TRPM3: variants seen among roughly 807,000 people sequenced by gnomAD.
TRPM3 encodes long transient receptor potential channel 3.
TRPM3 carries 77 observed loss-of-function variants against 181.2 expected under a neutral mutation model. The ratio of observed to expected loss-of-function variants is 0.42; its 90% confidence interval spans 0.35 to 0.51. The LOEUF (loss-of-function observed/expected upper bound fraction) is 0.51, where lower values mean the gene tolerates loss of function less well. Ranked by LOEUF, TRPM3 falls within the 20% of genes least tolerant of loss-of-function variation. The pLI, the probability that TRPM3 is intolerant of heterozygous loss-of-function variation, is 0.01. For missense variants in TRPM3, 1,759 were observed against 2,196.7 expected, an observed-to-expected ratio of 0.80 and a Z score of 3.98; for synonymous variants, 745 against 796.4, an observed-to-expected ratio of 0.94 and a Z score of 1.09.
At chr9:71,407,357 C>A (rs1244838780) in intron 1 of TRPM3, among the ~76,000 whole-genome samples, 25 of 152,128 alleles carry the variant, frequency 1.6e-4, no homozygotes, top group Admixed American at 1.2e-3. Context: ...ACCTGGAAAA[C>A]CAGGATATTC....
intron 1 of TRPM3, among the ~76,000 whole-genome samples, chr9:71,339,176 A>G (rs1415804210): frequency 1.3e-5 from 2 of 152,152 alleles, no homozygotes; most frequent in Non-Finnish European, 2.9e-5. Context: ...AAATATCCTT[A>G]AAAGATATAA....
At chr9:70,842,268 C>T (rs1188927826) in intron 5 of TRPM3, among the ~76,000 whole-genome samples, 1 of 152,070 alleles carries the variant, frequency 6.6e-6, no homozygotes, top group Non-Finnish European at 1.5e-5. Context: ...TGGATCCTAC[C>T]TCCTTTTTTA....
chr9:70,982,765 A>G (rs1488280748), intron 1 of TRPM3, among the ~76,000 whole-genome samples: 2 of 152,086 alleles, frequency 1.3e-5, no homozygotes, highest in African/African-American at 4.8e-5. Context: ...CAGTGGCCCA[A>G]TCTCAGCTCA....
At chr9:70,540,061 C>A (rs1450526956) in intron 25 of TRPM3, among the ~76,000 whole-genome samples, 1 of 152,128 alleles carries the variant, frequency 6.6e-6, no homozygotes, top group Non-Finnish European at 1.5e-5. Context: ...TGGTCTTGAA[C>A]TCTTGGGCTC....
intron 1 of TRPM3, among the ~76,000 whole-genome samples, chr9:71,243,659 ATT>A: frequency 1.3e-5 from 2 of 152,224 alleles, no homozygotes; most frequent in East Asian, 1.9e-4. Flanking sequence ...AATTATTATT[ATT>A]AGCAAGACCT....
intron 22 of TRPM3, among the ~76,000 whole-genome samples, chr9:70,558,871 T>C (rs1309869976): frequency 1.3e-5 from 2 of 152,194 alleles, no homozygotes; most frequent in Admixed American, 1.3e-4. Context: ...GGGGGTCACA[T>C]TGACACATCA....
intron 1 of TRPM3, among the ~76,000 whole-genome samples, chr9:71,218,950 A>T (rs2131839686): frequency 6.6e-6 from 1 of 152,338 alleles, no homozygotes; most frequent in South Asian, 2.1e-4. Context: ...ATCTGTTCAA[A>T]GTCCTATATA....
intron 1 of TRPM3, among the ~76,000 whole-genome samples, chr9:71,083,721 C>CACAA (rs1329084314): frequency 7.2e-6 from 1 of 139,026 alleles, no homozygotes; most frequent in Non-Finnish European, 1.6e-5. Flanking sequence ...TGTACACACA[C>CACAA]ACACACACAC....
chr9:70,580,499 C>T (rs2055351877), intron 22 of TRPM3, among the ~76,000 whole-genome samples: 1 of 152,276 alleles, frequency 6.6e-6, no homozygotes, highest in South Asian at 2.1e-4. Context: ...AATATGGTGT[C>T]CACATCAACC....
At chr9:71,077,103 C>G (rs1009073862) in intron 1 of TRPM3, among the ~76,000 whole-genome samples, 1 of 152,200 alleles carries the variant, frequency 6.6e-6, no homozygotes, top group Non-Finnish European at 1.5e-5. Flanking sequence ...GGTTCTAAAT[C>G]CTGGCCATGC....
At chr9:70,588,776 C>A (rs537817237) in intron 22 of TRPM3, among the ~76,000 whole-genome samples, 38 of 152,320 alleles carry the variant, frequency 2.5e-4, no homozygotes, top group African/African-American at 8.7e-4. Flanking sequence ...GAATGACCAG[C>A]TAGGGCAGTC....
At chr9:71,121,033 G>C in intron 1 of TRPM3, 145 bp downstream of exon 1, 1 of 702,100 alleles carries the variant, frequency 1.4e-6, no homozygotes. Context: ...GGAGTACTGA[G>C]AACCTCTCTC....
At chr9:70,843,245 G>A in intron 4 of TRPM3, 118 bp from the exon 5 acceptor site, 1 of 1,119,406 alleles carries the variant, frequency 8.9e-7, no homozygotes, top group Non-Finnish European at 1.2e-6. Flanking sequence ...ATAAAATTTT[G>A]ACACATTTCT....
chr9:70,757,290 G>T (rs1247686945), intron 8 of TRPM3, among the ~76,000 whole-genome samples: 1 of 152,150 alleles, frequency 6.6e-6, no homozygotes, highest in Non-Finnish European at 1.5e-5. Flanking sequence ...CCAGGAAGAA[G>T]TCAAATCCCT....
At chr9:71,243,906 A>G (rs1284180819) in intron 1 of TRPM3, among the ~76,000 whole-genome samples, 1 of 134,118 alleles carries the variant, frequency 7.5e-6, no homozygotes, top group Non-Finnish European at 1.7e-5. Context: ...CTCCATAGAA[A>G]CATATAAGAT....
At chr9:71,152,946 A>T (rs2075809026) in intron 1 of TRPM3, among the ~76,000 whole-genome samples, 1 of 152,148 alleles carries the variant, frequency 6.6e-6, no homozygotes, top group African/African-American at 2.4e-5. Flanking sequence ...CTGCAAGTTG[A>T]TTAGTAAAGT....
chr9:70,886,203 C>G (rs2096079332), intron 1 of TRPM3, among the ~76,000 whole-genome samples: 1 of 151,992 alleles, frequency 6.6e-6, no homozygotes, highest in Non-Finnish European at 1.5e-5. Context: ...AGCCACTTTC[C>G]AAATAAACAC....
At chr9:71,287,824 C>T (rs1001975953) in intron 1 of TRPM3, among the ~76,000 whole-genome samples, 4 of 152,010 alleles carry the variant, frequency 2.6e-5, no homozygotes, top group African/African-American at 7.2e-5. Context: ...GCAATGCGCC[C>T]GATGTCACAT....
At chr9:71,084,540 A>G (rs983449368) in intron 1 of TRPM3, among the ~76,000 whole-genome samples, 1 of 152,048 alleles carries the variant, frequency 6.6e-6, no homozygotes, top group South Asian at 2.1e-4. Flanking sequence ...CACACACACA[A>G]AAATACCTAG....
Sources: gnomAD v4.1 joint callset for allele counts (sites outside exome capture counted in the v4.1 genomes callset) on GRCh38, gnomAD v4.1.1 for gene constraint, MANE v1.5 for transcripts, NCBI Gene and HGNC (gene_info 2026-07-23, HGNC 2026-07-21) for gene names.